DNAJB5: variants seen among roughly 807,000 people sequenced by gnomAD.
The protein encoded by DNAJB5 is DnaJ heat shock protein family (Hsp40) member B5.
DNAJB5 carries 12 observed loss-of-function variants against 32.6 expected under a neutral mutation model. The observed-to-expected ratio is 0.37, with a 90% CI of 0.24 to 0.60. The LOEUF is 0.60. Among genes scored for constraint, DNAJB5 ranks in the 20% least tolerant of loss-of-function variants. DNAJB5 has a pLI of 0.71. For missense variants in DNAJB5, 358 were observed against 554.2 expected, an observed-to-expected ratio of 0.65 and a Z score of 3.55; for synonymous variants, 188 against 212.9, an observed-to-expected ratio of 0.88 and a Z score of 1.02.
Position 34,996,817 on chromosome 9 carries a change from G to A in DNAJB5, c.980G>A (p.Arg327His), listed in dbSNP as rs769407757. ...VLKDKPHAHF[R>H]RDGTNVLYSA... ...AAAGACAAGCCCCATGCACACTTCC[G>A]CCGAGATGGCACCAACGTGCTCTAC... The change falls in exon 4 of 5, where the codon CGC becomes CAC. Residue 327 changes from arginine (R) to histidine (H), a missense_variant. Arg to His is a conservative substitution (Grantham distance 29, BLOSUM62 0). Coordinates refer to ENST00000682809, the MANE Select transcript of DNAJB5 (RefSeq NM_001349723.3). The surrounding 1 kb of genome is among the most constrained non-coding windows in gnomAD (Gnocchi z 7.2). 2.5e-6 allele frequency: 4 copies of A among 1,613,584 alleles called. No individual in the cohort carries two copies. The highest frequency in any genetic ancestry group is 1.1e-5 in the South Asian group (1 of 91,050).
At position 34,993,136 on chromosome 9, in the gene DNAJB5, A is replaced by G; in HGVS notation, c.183-64A>G. On this transcript the variant is annotated intron_variant, in intron 2 of 4. Coordinates refer to ENST00000682809, the MANE Select transcript of DNAJB5 (RefSeq NM_001349723.3). The surrounding 1 kb of genome is among the most constrained non-coding windows in gnomAD (Gnocchi z 4.7). ...CAGGGAGTCATTTAGGGATTGCAAGATCATCAGGAACAGGGCTGGGGCAGA... is the reference window on the plus strand; with the variant it reads ...CAGGGAGTCATTTAGGGATTGCAAGGTCATCAGGAACAGGGCTGGGGCAGA... 1 of 1,527,134 alleles carries G rather than the reference A, an allele frequency of 6.5e-7. No individual in the cohort carries two copies. The highest frequency in any genetic ancestry group is 8.8e-7 in the Non-Finnish European group (1 of 1,140,744). The allele number at this position is 1,527,134 out of a possible 1,614,324, so 94.6% of individuals were successfully genotyped here.
chr9:34,990,277 T>C lies in DNAJB5; in HGVS notation c.-132-222T>C. ...TTGAGTAGGTTCTTGGGGATTGGGG[T>C]CGGGTCCTCCCCAGTGAGAGGCGAC... On this transcript the variant is annotated intron_variant, in intron 1 of 4. Coordinates refer to ENST00000682809, the MANE Select transcript of DNAJB5 (RefSeq NM_001349723.3). The surrounding 1 kb of genome is among the most constrained non-coding windows in gnomAD (Gnocchi z 4.5). The C allele has an allele frequency of 7.3e-7, 1 of 1,377,720 alleles. No homozygotes were observed. Among genetic ancestry groups the C allele is most frequent in the Non-Finnish European group, 9.5e-7 (1 of 1,049,680 alleles). The allele number at this position is 1,377,720 out of a possible 1,614,324, so 85.3% of individuals were successfully genotyped here. A position where few individuals can be genotyped will look rare whatever the true frequency, so the allele number is the denominator to read the frequency against.
Position 34,990,280 on chromosome 9 carries a change from G to C in DNAJB5, c.-132-219G>C. ...AGTAGGTTCTTGGGGATTGGGGTCGGGTCCTCCCCAGTGAGAGGCGACAGG... is the reference window on the plus strand; with the variant it reads ...AGTAGGTTCTTGGGGATTGGGGTCGCGTCCTCCCCAGTGAGAGGCGACAGG... On this transcript the variant is annotated intron_variant, in intron 1 of 4. Coordinates refer to ENST00000682809, the MANE Select transcript of DNAJB5 (RefSeq NM_001349723.3). The surrounding 1 kb of genome is among the most constrained non-coding windows in gnomAD (Gnocchi z 4.5). The C allele has an allele frequency of 7.2e-7, 1 of 1,391,208 alleles. No homozygotes were observed. The allele number at this position is 1,391,208 out of a possible 1,614,324, so 86.2% of individuals were successfully genotyped here. A position where few individuals can be genotyped will look rare whatever the true frequency, so the allele number is the denominator to read the frequency against.
At chr9:34,995,199 C>T (rs563123953) in intron 3 of DNAJB5, among the ~76,000 whole-genome samples, 54 of 152,192 alleles carry the variant, frequency 3.5e-4, no homozygotes, top group Admixed American at 1.1e-3. Flanking sequence ...CCTTGTGGTC[C>T]CAGGAAATAA....
Position 34,996,335 on chromosome 9 carries a change from C to T in DNAJB5, c.498C>T (p.Pro166=). Residue 166 remains proline, a synonymous_variant, in exon 4 of 5, where the codon CCC becomes CCT. Transcript: ENST00000682809. The surrounding 1 kb of genome is among the most constrained non-coding windows in gnomAD (Gnocchi z 7.2). ...GSFHYTFHGD[P]HATFASFFGG... ...TTCACTACACCTTTCATGGGGACCCCCATGCCACCTTTGCCTCCTTCTTTG... is the reference window on the plus strand; with the variant it reads ...TTCACTACACCTTTCATGGGGACCCTCATGCCACCTTTGCCTCCTTCTTTG... The T allele has an allele frequency of 6.2e-7, 1 of 1,614,154 alleles. No homozygotes were observed. Among genetic ancestry groups the T allele is most frequent in the Non-Finnish European group, 8.5e-7 (1 of 1,180,026 alleles).
intron 2 of DNAJB5, chr9:34,991,183 C>T: frequency 7.2e-6 from 3 of 415,898 alleles, no homozygotes; most frequent in Non-Finnish European, 4.8e-6. Context: ...CAGTCCCCCT[C>T]GCCATTTTCT....
chr9:34,998,621 A>G (rs559548353), downstream of DNAJB5: 2 of 152,222 alleles, frequency 1.3e-5, no homozygotes, highest in South Asian at 4.1e-4. Flanking sequence ...ACAGACAGAA[A>G]GTACCACTCA....
intron 2 of DNAJB5, chr9:34,992,447 TCA>T (rs1827675716): frequency 6.6e-6 from 1 of 152,270 alleles, no homozygotes; most frequent in Non-Finnish European, 1.5e-5. Context: ...GGCACAGCCC[TCA>T]CAGTTTTGTG....
rs1199608096 is a variant in DNAJB5, at chr9:34,993,329, C to G, written c.312C>G (p.His104Gln). 1 of 1,614,124 alleles carries G rather than the reference C, an allele frequency of 6.2e-7. No homozygotes were observed. Among genetic ancestry groups the G allele is most frequent in the East Asian group, 2.2e-5 (1 of 44,870 alleles). The change falls in exon 3 of 5, where the codon CAC becomes CAG. Residue 104 changes from histidine (H) to glutamine (Q), a missense_variant. His to Gln is a conservative substitution (Grantham distance 24). This residue lies in a region of DNAJB5 where 248 missense variants were observed against 442.6 expected (regional missense o/e 0.56). Coordinates refer to ENST00000682809, the MANE Select transcript of DNAJB5 (RefSeq NM_001349723.3). This position sits in a 1 kb window ranked among gnomAD's most constrained non-coding sequence, Gnocchi z 4.7. ...KAYRKMALKY[H>Q]PDKNKEPNAE... Reference sequence around the variant, plus strand: ...ACCGGAAGATGGCCTTGAAGTACCACCCAGACAAGAATAAAGAACCCAACG... The same window carrying G: ...ACCGGAAGATGGCCTTGAAGTACCAGCCAGACAAGAATAAAGAACCCAACG...
intron 3 of DNAJB5, among the ~76,000 whole-genome samples, chr9:34,994,435 C>T (rs1827737448): frequency 6.6e-6 from 1 of 152,214 alleles, no homozygotes; most frequent in Non-Finnish European, 1.5e-5. Context: ...GCTGCCGGTT[C>T]CTTCCATTCT....
Position 34,990,281 on chromosome 9 carries a change from G to A in DNAJB5, c.-132-218G>A. 2 of 1,392,548 alleles carry A rather than the reference G, an allele frequency of 1.4e-6. No homozygotes were observed. The highest frequency in any genetic ancestry group is 1.9e-6 in the Non-Finnish European group (2 of 1,058,470). 86.3% of individuals were successfully genotyped at this position (1,392,548 alleles called of 1,614,324 possible). A position where few individuals can be genotyped will look rare whatever the true frequency, so the allele number is the denominator to read the frequency against. The stretch of plus-strand genomic sequence containing the variant: ...GTAGGTTCTTGGGGATTGGGGTCGG[G>A]TCCTCCCCAGTGAGAGGCGACAGGA... On this transcript the variant is annotated intron_variant, in intron 1 of 4. Transcript: ENST00000682809. This position sits in a 1 kb window ranked among gnomAD's most constrained non-coding sequence, Gnocchi z 4.5.
chr9:34,996,795 G>C lies in DNAJB5; in HGVS notation c.958G>C (p.Asp320His). 1 of 1,613,960 alleles carries C rather than the reference G, an allele frequency of 6.2e-7. No homozygotes were observed. Among genetic ancestry groups the C allele is most frequent in the Non-Finnish European group, 8.5e-7 (1 of 1,180,028 alleles). Residue 320 changes from aspartate (D) to histidine (H), a missense_variant, in exon 4 of 5, where the codon GAC (aspartate) becomes CAC (histidine). By Grantham distance (81) the Asp-to-His change is moderately conservative. This residue lies in a region of DNAJB5 where 248 missense variants were observed against 442.6 expected (regional missense o/e 0.56). Transcript: ENST00000682809. This position sits in a 1 kb window ranked among gnomAD's most constrained non-coding sequence, Gnocchi z 7.2. ...IPADIVFVLK[D>H]KPHAHFRRDG... Reference sequence around the variant, plus strand: ...TGCTGACATCGTCTTTGTGCTCAAAGACAAGCCCCATGCACACTTCCGCCG... The same window carrying C: ...TGCTGACATCGTCTTTGTGCTCAAACACAAGCCCCATGCACACTTCCGCCG...
At chr9:34,991,144 A>G in intron 2 of DNAJB5, 1 of 417,300 alleles carries the variant, frequency 2.4e-6, no homozygotes, top group Non-Finnish European at 4.6e-6. Context: ...CATTTTCTGT[A>G]TCAGCCATCT....
chr9:34,994,167 C>T (rs904853576), intron 3 of DNAJB5, among the ~76,000 whole-genome samples: 9 of 152,234 alleles, frequency 5.9e-5, no homozygotes, highest in Admixed American at 2.0e-4. Context: ...CCGCCAGCCA[C>T]AGGCACCTGT....
Position 34,990,353 on chromosome 9 carries a change from C to T in DNAJB5, c.-132-146C>T, listed in dbSNP as rs1427038926. ...CACAATCACACCTGTCACAGGTATA[C>T]ACGCTGCCACTCACAAACACACGCT... On this transcript the variant is annotated intron_variant, in intron 1 of 4. Transcript: ENST00000682809. The surrounding 1 kb of genome is among the most constrained non-coding windows in gnomAD (Gnocchi z 4.5). The T allele has an allele frequency of 1.3e-6, 2 of 1,494,014 alleles. No individual in the cohort carries two copies. The highest frequency in any genetic ancestry group is 2.0e-5 in the Admixed American group (1 of 49,584). 92.5% of individuals were successfully genotyped at this position (1,494,014 alleles called of 1,614,324 possible). A position where few individuals can be genotyped will look rare whatever the true frequency, so the allele number is the denominator to read the frequency against.
At chr9:34,991,577 G>GT in intron 2 of DNAJB5, 1 of 364,192 alleles carries the variant, frequency 2.7e-6, no homozygotes, top group Non-Finnish European at 5.6e-6. Flanking sequence ...CCAGTCCCAG[G>GT]GGAAAGAAGG....
rs1322021424 is a variant in DNAJB5 at position 34,990,846 on chromosome 9, T to TA, written c.182+35dup. 5 of 1,528,770 alleles carry TA rather than the reference T, an allele frequency of 3.3e-6. No homozygotes were observed. The highest frequency in any genetic ancestry group is 4.4e-6 in the Non-Finnish European group (5 of 1,136,250). The allele number at this position is 1,528,770 out of a possible 1,614,324, so 94.7% of individuals were successfully genotyped here. Reference sequence around the variant, plus strand: ...CTCCGGAGAAGGGCACTCACACCCATACCCAGTCAAACCCTCCACGCGGCC... The same window carrying TA: ...CTCCGGAGAAGGGCACTCACACCCATAACCCAGTCAAACCCTCCACGCGGCC... On this transcript the variant is annotated intron_variant, in intron 2 of 4. Coordinates refer to ENST00000682809, the MANE Select transcript of DNAJB5 (RefSeq NM_001349723.3). This position sits in a 1 kb window ranked among gnomAD's most constrained non-coding sequence, Gnocchi z 4.5.
chr9:34,990,848 C>T lies in DNAJB5; in HGVS notation c.182+36C>T. 2.0e-6 allele frequency: 3 copies of T among 1,520,026 alleles called. No homozygotes were observed. Among genetic ancestry groups the T allele is most frequent in the Non-Finnish European group, 2.7e-6 (3 of 1,131,842 alleles). 94.2% of individuals were successfully genotyped at this position (1,520,026 alleles called of 1,614,324 possible). On this transcript the variant is annotated intron_variant, in intron 2 of 4. Coordinates refer to ENST00000682809, the MANE Select transcript of DNAJB5 (RefSeq NM_001349723.3). This position sits in a 1 kb window ranked among gnomAD's most constrained non-coding sequence, Gnocchi z 4.5. ...CCGGAGAAGGGCACTCACACCCATA[C>T]CCAGTCAAACCCTCCACGCGGCCAT...
At position 34,990,295 on chromosome 9, in the gene DNAJB5, G is replaced by A; in HGVS notation, c.-132-204G>A. The A allele has an allele frequency of 1.4e-6, 2 of 1,415,646 alleles. No homozygotes were observed. Among genetic ancestry groups the A allele is most frequent in the Admixed American group, 2.1e-5 (1 of 46,994 alleles). The allele number at this position is 1,415,646 out of a possible 1,614,324, so 87.7% of individuals were successfully genotyped here. ...ATTGGGGTCGGGTCCTCCCCAGTGA[G>A]AGGCGACAGGAGCTCACTGCCTCTC... On this transcript the variant is annotated intron_variant, in intron 1 of 4. Transcript: ENST00000682809. The surrounding 1 kb of genome is among the most constrained non-coding windows in gnomAD (Gnocchi z 4.5).
Sources: allele counts gnomAD v4.1 joint callset (sites outside exome capture counted in the v4.1 genomes callset), GRCh38; gene constraint gnomAD v4.1.1; regional missense constraint gnomAD v4.1.1; non-coding constraint Gnocchi (gnomAD v3.1); transcripts MANE v1.5; gene names NCBI Gene and HGNC (gene_info 2026-07-23, HGNC 2026-07-21).